TBX22: variants seen among roughly 807,000 people sequenced by gnomAD.
TBX22 encodes the protein T-box transcription factor TBX22.
In TBX22, 8 loss-of-function variants were observed where a neutral mutation model predicts 30.1. The ratio of observed to expected loss-of-function variants is 0.27; its 90% CI spans 0.16 to 0.48. TBX22 has a LOEUF of 0.48. Among genes scored for constraint, TBX22 ranks in the 20% least tolerant of loss-of-function variants. TBX22 has a pLI of 0.99. For synonymous variants in TBX22, 173 were observed against 149.1 expected, an observed-to-expected ratio of 1.16 and a Z score of -1.17; for missense variants, 463 against 400.5, an observed-to-expected ratio of 1.16 and a Z score of -1.33.
intron 1 of TBX22, 102 bp from the exon 2 acceptor site, chrX:80,022,166 T>G (rs1923736661): frequency 2.5e-6 from 2 of 809,995 alleles, no homozygotes; most frequent in Admixed American, 5.7e-5. Flanking sequence ...CCGCTTTCCC[T>G]CCTTCCTTCA....
In TBX22 at chrX:80,018,090, A is replaced by G. The variant is rs755705617; in HGVS notation, c.-3+3203A>G. Among the ~76,000 whole-genome samples the G allele has an allele frequency of 1.9e-4, 21 of 112,108 alleles. 1 individual carries two copies. Among genetic ancestry groups the G allele is most frequent in the Non-Finnish European group, 3.6e-4 (19 of 53,220 alleles). On this transcript the variant is annotated intron_variant, in intron 1 of 8. Transcript: ENST00000373296. ...CAAAGTTTGACATGCATAACTCAAG[A>G]CTAGATGAATAAAAGCACAGTCTTC... is the stretch of plus-strand genomic sequence containing the variant.
intron 2 of TBX22, among the ~76,000 whole-genome samples, chrX:80,022,849 G>T (rs186431099): frequency 6.4e-4 from 69 of 108,436 alleles, no homozygotes; most frequent in Non-Finnish European, 1.2e-3. Context: ...TGGTGTGGGC[G>T]GGGGGTAGGT....
intron 3 of TBX22, among the ~76,000 whole-genome samples, 165 bp from the exon 4 acceptor site, chrX:80,023,897 CA>C (rs1231120114): frequency 8.9e-6 from 1 of 111,917 alleles, no homozygotes. Flanking sequence ...AGTATGCAAC[CA>C]ACAATCTTTC....
intron 7 of TBX22, among the ~76,000 whole-genome samples, chrX:80,027,662 C>A (rs1425380167): frequency 8.9e-6 from 1 of 112,088 alleles, no homozygotes; most frequent in Non-Finnish European, 1.9e-5. Flanking sequence ...CAGGCGTGAG[C>A]CACTGCACCT....
rs779916322 is a variant in TBX22, at chrX:80,024,163, A to C, written c.457A>C (p.Arg153=). 9.2e-5 allele frequency: 111 copies of C among 1,203,150 alleles called. No homozygotes were observed. The highest frequency in any genetic ancestry group is 1.2e-4 in the Non-Finnish European group (107 of 889,883). Residue 153 remains arginine, a splice_region_variant and synonymous_variant, in exon 4 of 9, where the codon AGG becomes CGG. Transcript: ENST00000373296. The part of the protein sequence containing the change: ...DVVPVDSKRY[R]YVYHSSQWMV... ...GGTGCCGGTGGATTCCAAACGCTAT[A>C]GGTAATGGGCCCCATAGAATGGTAC...
At chrX:80,027,930 C>G (rs1241879911) in intron 7 of TBX22, 61 bp from the exon 8 acceptor site, 8 of 892,585 alleles carry the variant, frequency 9.0e-6, no homozygotes, top group Non-Finnish European at 1.2e-5. Context: ...CAAAATAACT[C>G]AAAATCATTA....
rs1923945243 is a variant in TBX22 at position 80,025,786 on chromosome X, G to T, written c.633+9G>T. ...TGGATGACAAAGGCCACGTACGTGA[G>T]CACAATCCTTTACCCCGAGGAGGGA... On this transcript the variant is annotated intron_variant, in intron 5 of 8. Coordinates refer to ENST00000373296, the MANE Select transcript of TBX22 (RefSeq NM_001109878.2). 1 of 1,193,215 alleles carries T rather than the reference G, an allele frequency of 8.4e-7. No individual in the cohort carries two copies. The highest frequency in any genetic ancestry group is 2.3e-5 in the Admixed American group (1 of 43,805).
At chrX:80,017,826 T>C (rs1321037008) in intron 1 of TBX22, among the ~76,000 whole-genome samples, 2 of 111,690 alleles carry the variant, frequency 1.8e-5, no homozygotes, top group Non-Finnish European at 3.8e-5. Context: ...TCAGTTAGAA[T>C]GAGAAATACA....
At chrX:80,016,340 G>A (rs113014998) in intron 1 of TBX22, among the ~76,000 whole-genome samples, 4 of 111,940 alleles carry the variant, frequency 3.6e-5, no homozygotes, top group Non-Finnish European at 5.6e-5. Context: ...ATCTGCTTCT[G>A]TTGGGCTCAT....
intron 1 of TBX22, among the ~76,000 whole-genome samples, chrX:80,017,749 C>T (rs964331319): frequency 2.7e-5 from 3 of 111,518 alleles, no homozygotes; most frequent in African/African-American, 9.8e-5. Context: ...TTTAAAAATT[C>T]TATCGACCTT....
chrX:80,021,626 C>G (rs1405390840), intron 1 of TBX22, among the ~76,000 whole-genome samples: 5 of 112,151 alleles, frequency 4.5e-5, no homozygotes, highest in African/African-American at 9.7e-5. Context: ...TCCCTTTTCT[C>G]CTCTCTCTAC....
At position 80,029,221 on chromosome X, in the gene TBX22, G is replaced by A. The variant is rs867794780; in HGVS notation, c.949+1145G>A. 1.3e-4 allele frequency among the ~76,000 whole-genome samples: 15 copies of A among 111,792 alleles called. 1 individual carries two copies. Among genetic ancestry groups the A allele is most frequent in the African/African-American group, 4.2e-4 (13 of 30,907 alleles). On this transcript the variant is annotated intron_variant, in intron 8 of 8. Coordinates refer to ENST00000373296, the MANE Select transcript of TBX22 (RefSeq NM_001109878.2). ...GATATTTGCCATCTTGTTGATGAAG[G>A]TTTAGGATACGTCTACATACACAAA...
intron 4 of TBX22, among the ~76,000 whole-genome samples, chrX:80,024,984 C>G (rs891846915): frequency 1.8e-5 from 2 of 111,332 alleles, no homozygotes; most frequent in African/African-American, 6.5e-5. Flanking sequence ...AAAACCAGAG[C>G]TAGCTTTGAA....
chrX:80,022,647 A>C, intron 2 of TBX22: 1 of 462,626 alleles, frequency 2.2e-6, no homozygotes, highest in East Asian at 3.7e-5. Context: ...GGGTCCCTAC[A>C]TAATTGTGAA....
At chrX:80,029,427 GA>G (rs1341358846) in intron 8 of TBX22, among the ~76,000 whole-genome samples, 2 of 111,949 alleles carry the variant, frequency 1.8e-5, no homozygotes, top group African/African-American at 6.5e-5. Flanking sequence ...AAACGTCATT[GA>G]TATGAACACT....
At chrX:80,022,194 C>T (rs1923738666) in intron 1 of TBX22, 74 bp from the exon 2 acceptor site, 6 of 1,037,926 alleles carry the variant, frequency 5.8e-6, no homozygotes, top group Non-Finnish European at 8.1e-6. Context: ...TGCCCTCCGC[C>T]TGTGTCTCCC....
chrX:80,028,280 T>G (rs967376537), intron 8 of TBX22, among the ~76,000 whole-genome samples: 1 of 112,070 alleles, frequency 8.9e-6, no homozygotes, highest in Non-Finnish European at 1.9e-5. Context: ...AATAGAAATG[T>G]GATAATTGTA....
chrX:80,030,786 T>C lies in TBX22; in HGVS notation c.1238T>C (p.Leu413Ser). ...LAPLMMEVPM[L>S]SSLGVTNSKS... ...CCACTCATGATGGAAGTGCCTATGTTATCTTCCCTGGGGGTCACCAATTCA... is the reference window on the plus strand; with the variant it reads ...CCACTCATGATGGAAGTGCCTATGTCATCTTCCCTGGGGGTCACCAATTCA... The change falls in exon 9 of 9, where the codon TTA becomes TCA. Residue 413 changes from leucine (L) to serine (S), a missense_variant. Coordinates refer to ENST00000373296, the MANE Select transcript of TBX22 (RefSeq NM_001109878.2). 1 of 1,211,374 alleles carries C rather than the reference T, an allele frequency of 8.3e-7. No homozygotes were observed. Among genetic ancestry groups the C allele is most frequent in the Non-Finnish European group, 1.1e-6 (1 of 894,922 alleles).
At position 80,014,856 on chromosome X, in the gene TBX22, G is replaced by C. The variant is rs971156560; in HGVS notation, c.-34G>C. The C allele has an allele frequency of 7.1e-5, 8 of 112,128 alleles. No homozygotes were observed. The highest frequency in any genetic ancestry group is 2.6e-4 in the African/African-American group (8 of 30,814). 9.2% of individuals were successfully genotyped at this position (112,128 alleles called of 1,213,427 possible). A position where few individuals can be genotyped will look rare whatever the true frequency, so the allele number is the denominator to read the frequency against. ...AACCACTGGGCTGGCCTGGCCTCTT[G>C]ACACAGCAACACACTGCTTCTTGCC... On this transcript the variant is annotated 5_prime_UTR_variant, in exon 1 of 9. Transcript: ENST00000373296.
Sources: gnomAD v4.1 joint callset for allele counts (sites outside exome capture counted in the v4.1 genomes callset) on GRCh38, gnomAD v4.1.1 for gene constraint, MANE v1.5 for transcripts, NCBI Gene and HGNC (gene_info 2026-07-23, HGNC 2026-07-21) for gene names.